Variants in INTS9 observed in about 807,000 individuals in gnomAD.
INTS9 encodes the protein integrator complex subunit 9, also known as protein related to CPSF subunits of 74 kDa.
INTS9 carries 55 observed loss-of-function variants against 79.7 expected under a neutral mutation model. The ratio of observed to expected loss-of-function variants is 0.69; its 90% CI spans 0.56 to 0.86. The LOEUF (loss-of-function observed/expected upper bound fraction) is 0.86. Ranked by LOEUF, INTS9 falls within the 40% of genes least tolerant of loss-of-function variation. INTS9 has a pLI of 0.00. For missense variants in INTS9, 721 were observed against 831.5 expected, an observed-to-expected ratio of 0.87 and a Z score of 1.64; for synonymous variants, 319 against 325.2, an observed-to-expected ratio of 0.98 and a Z score of 0.20.
intron 13 of INTS9, among the ~76,000 whole-genome samples, chr8:28,777,107 T>C (rs1250522581): frequency 6.6e-6 from 1 of 152,128 alleles, no homozygotes; most frequent in East Asian, 1.9e-4. Flanking sequence ...GCCTTAGAGT[T>C]TTGTGAAAGG....
At chr8:28,834,049 T>C (rs1443608576) in intron 6 of INTS9, among the ~76,000 whole-genome samples, 2 of 152,248 alleles carry the variant, frequency 1.3e-5, no homozygotes, top group East Asian at 3.8e-4. Context: ...CTGTGTTTTC[T>C]GAAACTTCCT....
At chr8:28,812,016 C>T (rs1805181916) in intron 8 of INTS9, among the ~76,000 whole-genome samples, 1 of 152,218 alleles carries the variant, frequency 6.6e-6, no homozygotes, top group African/African-American at 2.4e-5. Context: ...ACACTTGGCC[C>T]TTGGGAAGGA....
chr8:28,846,991 T>G (rs1383877061), intron 3 of INTS9, among the ~76,000 whole-genome samples, 182 bp from the exon 4 acceptor site: 1 of 152,154 alleles, frequency 6.6e-6, no homozygotes, highest in Non-Finnish European at 1.5e-5. Context: ...AGTGTCTTAT[T>G]AAGGGTAAAA....
chr8:28,859,343 AC>A (rs1808331022), intron 2 of INTS9, 92 bp downstream of exon 2: 3 of 1,379,250 alleles, frequency 2.2e-6, no homozygotes, highest in Non-Finnish European at 3.0e-6. Context: ...CAAACTTACG[AC>A]AATATACTAG....
chr8:28,770,446 C>CT (rs1802464232), intron 15 of INTS9, among the ~76,000 whole-genome samples: 1 of 152,170 alleles, frequency 6.6e-6, no homozygotes, highest in African/African-American at 2.4e-5. Context: ...GAGAAGCTGC[C>CT]TACGAAATGA....
At chr8:28,816,705 T>A (rs1178508331) in intron 6 of INTS9, among the ~76,000 whole-genome samples, 20 of 144,998 alleles carry the variant, frequency 1.4e-4, no homozygotes, top group Non-Finnish European at 2.7e-4. Flanking sequence ...TATTTCTAGT[T>A]CTAGATCCCT....
At chr8:28,870,341 G>GA (rs1809013961) in intron 1 of INTS9, among the ~76,000 whole-genome samples, 1 of 86,034 alleles carries the variant, frequency 1.2e-5, no homozygotes, top group Non-Finnish European at 2.3e-5. Flanking sequence ...TTTAGAATCA[G>GA]AAAAAAGCTT....
chr8:28,768,568 G>A (rs1410267737), intron 16 of INTS9, among the ~76,000 whole-genome samples: 1 of 152,206 alleles, frequency 6.6e-6, no homozygotes, highest in African/African-American at 2.4e-5. Flanking sequence ...AGTTCTTTGA[G>A]GGCACGTCCA....
rs921928804 is a variant in INTS9, at chr8:28,793,862, A to G, written c.982T>C (p.Phe328Leu). Residue 328 changes from phenylalanine (F) to leucine (L), a missense_variant, in exon 10 of 17, where the codon TTC becomes CTC. Physicochemically the swap from Phe to Leu is conservative, Grantham distance 22. This residue lies in a region of INTS9 where 149 missense variants were observed against 223.7 expected (regional missense o/e 0.67). Coordinates refer to ENST00000521022, the MANE Select transcript of INTS9 (RefSeq NM_018250.4). The stretch of plus-strand genomic sequence containing the variant: ...GAACTGTTGGCCACAGGGGAGATGA[A>G]GTAGAGGGGGACGCTGGAAAGCCCG... Reference protein sequence around the residue: ...SAGLSSVPLYFISPVANSSLE... With the variant: ...SAGLSSVPLYLISPVANSSLE... 6.2e-7 allele frequency: 1 copy of G among 1,613,890 alleles called. No homozygotes were observed. Among genetic ancestry groups the G allele is most frequent in the South Asian group, 1.1e-5 (1 of 91,072 alleles).
rs113060840 is a variant in INTS9 at position 28,882,610 on chromosome 8, A to T, written c.9+7264T>A. ...GAAAAAGAGACTCTGATTAAGCCAT[A>T]AATCTGAGAAATGGATTATGCAAGA... On this transcript the variant is annotated intron_variant, in intron 1 of 16. Transcript: ENST00000521022. Among the ~76,000 whole-genome samples the T allele has an allele frequency of 4.9e-3, 747 of 151,590 alleles. 3 individuals are homozygous for T. Among genetic ancestry groups the T allele is most frequent in the African/African-American group, 0.016 (655 of 41,406 alleles).
chr8:28,859,491 A>G lies in INTS9; in HGVS notation c.82T>C (p.Cys28Arg). 2 of 1,614,226 alleles carry G rather than the reference A, an allele frequency of 1.2e-6. No individual in the cohort carries two copies. Among genetic ancestry groups the G allele is most frequent in the Non-Finnish European group, 1.7e-6 (2 of 1,180,008 alleles). Residue 28 changes from cysteine (C) to arginine (R), a missense_variant, in exon 2 of 17, where the codon TGC becomes CGC. Physicochemically the swap from Cys to Arg is radical, Grantham distance 180 (BLOSUM62 -3). This residue lies in a region of INTS9 where 291 missense variants were observed against 307.0 expected (regional missense o/e 0.95). Transcript: ENST00000521022. ...AGGGTAGAAGTCATGTCCAGTCCGCAGTCCAACATAATGGTGGTTGATTTG... is the reference window on the plus strand; with the variant it reads ...AGGGTAGAAGTCATGTCCAGTCCGCGGTCCAACATAATGGTGGTTGATTTG... ...KFKSTTIMLD[C>R]GLDMTSTLNF... is the part of the protein sequence containing the mutation.
intron 4 of INTS9, among the ~76,000 whole-genome samples, chr8:28,845,821 C>A (rs1246210161): frequency 1.3e-5 from 2 of 152,170 alleles, no homozygotes; most frequent in Admixed American, 6.5e-5. Flanking sequence ...CCTTCAATTA[C>A]CACATTTGTC....
In INTS9 at chr8:28,767,969, G is replaced by A; in HGVS notation, c.*177C>T. ...AAGTTGAAAGGGAAAGTTCTTGCCT[G>A]AAACAGTGCTGGGAATAAGTCCAGA... On this transcript the variant is annotated 3_prime_UTR_variant, in exon 17 of 17. Coordinates refer to ENST00000521022, the MANE Select transcript of INTS9 (RefSeq NM_018250.4). The A allele has an allele frequency of 1.5e-6, 1 of 650,316 alleles. No homozygotes were observed. Among genetic ancestry groups the A allele is most frequent in the East Asian group, 2.6e-5 (1 of 38,642 alleles). The allele number at this position is 650,316 out of a possible 1,614,324, so 40.3% of individuals were successfully genotyped here.
At chr8:28,857,167 G>C (rs1195117874) in intron 2 of INTS9, among the ~76,000 whole-genome samples, 1 of 152,094 alleles carries the variant, frequency 6.6e-6, no homozygotes, top group Non-Finnish European at 1.5e-5. Flanking sequence ...ATTATGAATA[G>C]TGCTGAGCAT....
chr8:28,825,131 G>A (rs926675581), intron 6 of INTS9, among the ~76,000 whole-genome samples: 3 of 152,204 alleles, frequency 2.0e-5, no homozygotes, highest in Non-Finnish European at 2.9e-5. Context: ...CCTCCTTTAA[G>A]TTCTCAGGAT....
At chr8:28,773,379 G>A (rs1392987433) in intron 14 of INTS9, among the ~76,000 whole-genome samples, 2 of 150,392 alleles carry the variant, frequency 1.3e-5, no homozygotes, top group African/African-American at 4.9e-5. Context: ...CAGGAGAATG[G>A]CATGAAGCTG....
At chr8:28,842,272 G>A (rs1385154952) in intron 4 of INTS9, among the ~76,000 whole-genome samples, 1 of 152,126 alleles carries the variant, frequency 6.6e-6, no homozygotes, top group African/African-American at 2.4e-5. Flanking sequence ...AGAAGTGTAG[G>A]AGGTAGAAGG....
At chr8:28,843,140 T>C (rs1807296543) in intron 4 of INTS9, among the ~76,000 whole-genome samples, 1 of 152,240 alleles carries the variant, frequency 6.6e-6, no homozygotes, top group South Asian at 2.1e-4. Flanking sequence ...CAAGCGGTTC[T>C]CACCGTCCAG....
At chr8:28,787,626 G>A (rs114780097) in intron 11 of INTS9, among the ~76,000 whole-genome samples, 2,767 of 152,318 alleles carry the variant, frequency 0.018, 74 homozygotes, top group African/African-American at 0.064. Flanking sequence ...GAGAAGGGCT[G>A]CTCCACGTGC....
Sources: allele counts gnomAD v4.1 joint callset (sites outside exome capture counted in the v4.1 genomes callset), GRCh38; gene constraint gnomAD v4.1.1; regional missense constraint gnomAD v4.1.1; transcripts MANE v1.5; gene names NCBI Gene and HGNC (gene_info 2026-07-23, HGNC 2026-07-21).